Variants in IL1RAPL2 observed in about 807,000 individuals in gnomAD.
IL1RAPL2 encodes the protein interleukin 1 receptor accessory protein like 2.
Under a neutral mutation model 44.1 loss-of-function variants are expected in IL1RAPL2, and 3 were observed. The observed-to-expected ratio is 0.07, with a 90% CI of 0.03 to 0.18. The LOEUF is 0.18. Among genes scored for constraint, IL1RAPL2 ranks in the 10% least tolerant of loss-of-function variants. The pLI, the probability that IL1RAPL2 is intolerant of heterozygous loss-of-function variation, is 1.00. For missense variants in IL1RAPL2, 391 were observed against 496.4 expected, an observed-to-expected ratio of 0.79 and a Z score of 2.02; for synonymous variants, 181 against 178.8, an observed-to-expected ratio of 1.01 and a Z score of -0.10.
chrX:104,901,575 G>A (rs771901416), intron 2 of IL1RAPL2, among the ~76,000 whole-genome samples: 3 of 110,333 alleles, frequency 2.7e-5, no homozygotes, highest in Admixed American at 9.7e-5. Flanking sequence ...ATTTGATTTG[G>A]CAGGGCTCTA....
chrX:105,532,943 G>C (rs2036648772), intron 6 of IL1RAPL2, among the ~76,000 whole-genome samples: 1 of 110,956 alleles, frequency 9.0e-6, no homozygotes, highest in Admixed American at 9.6e-5. Context: ...TGTAATCCCA[G>C]CACTTTGGGA....
chrX:105,088,659 T>A (rs964212599), intron 2 of IL1RAPL2, among the ~76,000 whole-genome samples: 1 of 111,616 alleles, frequency 9.0e-6, no homozygotes, highest in Admixed American at 9.6e-5. Context: ...CTACACATGA[T>A]GTTGGGATTA....
chrX:105,221,291 A>T (rs974423865), intron 3 of IL1RAPL2, among the ~76,000 whole-genome samples: 1 of 110,415 alleles, frequency 9.1e-6, no homozygotes, highest in East Asian at 2.8e-4. Context: ...CTAGATTCAC[A>T]TTTCATACAT....
intron 5 of IL1RAPL2, among the ~76,000 whole-genome samples, chrX:105,408,120 T>A (rs780506507): frequency 4.6e-4 from 52 of 112,282 alleles, no homozygotes; most frequent in Non-Finnish European, 9.0e-4. Flanking sequence ...GAATGAGGAA[T>A]TTTAAACACA....
intron 2 of IL1RAPL2, among the ~76,000 whole-genome samples, chrX:104,867,094 G>A (rs948065022): frequency 1.8e-5 from 2 of 108,548 alleles, no homozygotes; most frequent in Non-Finnish European, 3.8e-5. Flanking sequence ...AAAATTAGCC[G>A]GGCACAGTGG....
intron 2 of IL1RAPL2, among the ~76,000 whole-genome samples, chrX:105,128,501 G>C (rs2032997000): frequency 9.0e-6 from 1 of 110,798 alleles, no homozygotes; most frequent in African/African-American, 3.3e-5. Context: ...TCACTTAATG[G>C]TACATTTTGG....
At chrX:104,975,069 T>A (rs2030307679) in intron 2 of IL1RAPL2, among the ~76,000 whole-genome samples, 1 of 111,919 alleles carries the variant, frequency 8.9e-6, no homozygotes, top group Non-Finnish European at 1.9e-5. Context: ...TTTTCATCTC[T>A]TTTGCCCTGT....
At chrX:105,443,869 C>G (rs750025393) in intron 5 of IL1RAPL2, among the ~76,000 whole-genome samples, 9 of 111,737 alleles carry the variant, frequency 8.1e-5, no homozygotes, top group African/African-American at 2.6e-4. Context: ...GCAGTGGGAT[C>G]GCTGGATCAT....
chrX:105,577,573 T>A (rs1051330144), intron 6 of IL1RAPL2, among the ~76,000 whole-genome samples: 2 of 110,964 alleles, frequency 1.8e-5, no homozygotes, highest in African/African-American at 6.5e-5. Flanking sequence ...GTTTCTTTTT[T>A]AAATATTAGA....
intron 2 of IL1RAPL2, among the ~76,000 whole-genome samples, chrX:104,836,557 AAAATT>A (rs1921746760): frequency 9.1e-6 from 1 of 110,101 alleles, no homozygotes; most frequent in Non-Finnish European, 1.9e-5. Context: ...TGTACCCACA[AAAATT>A]AAAAATTAAA....
intron 4 of IL1RAPL2, among the ~76,000 whole-genome samples, chrX:105,243,767 A>C (rs983327172): frequency 9.1e-6 from 1 of 109,858 alleles, no homozygotes; most frequent in Non-Finnish European, 1.9e-5. Flanking sequence ...CCAACAAAGC[A>C]TGCATTGTAT....
rs368304777 is a variant in IL1RAPL2, at chrX:105,143,452, C to T, written c.83-52023C>T. Among the ~76,000 whole-genome samples the T allele has an allele frequency of 3.6e-5, 4 of 111,761 alleles. No homozygotes were observed. The East Asian group carries it at 1.1e-3, about 32-fold the overall frequency. On this transcript the variant is annotated intron_variant, in intron 2 of 10. Coordinates refer to ENST00000372582, the MANE Select transcript of IL1RAPL2 (RefSeq NM_017416.2). Reference sequence around the variant, plus strand: ...TTAAAAAGTCAGGAAACAACAGGTGCTGGAGAGGATGTGGAGAAATAGGAA... The same window carrying T: ...TTAAAAAGTCAGGAAACAACAGGTGTTGGAGAGGATGTGGAGAAATAGGAA...
At chrX:104,632,378 G>C (rs1260345993) in intron 1 of IL1RAPL2, among the ~76,000 whole-genome samples, 1 of 111,778 alleles carries the variant, frequency 8.9e-6, no homozygotes, top group Non-Finnish European at 1.9e-5. Context: ...ATTCTGCGAA[G>C]AAAGTCATTG....
At chrX:104,685,265 C>T (rs886414482) in intron 2 of IL1RAPL2, among the ~76,000 whole-genome samples, 2 of 112,150 alleles carry the variant, frequency 1.8e-5, no homozygotes, top group Non-Finnish European at 3.8e-5. Flanking sequence ...ACTTCCATGA[C>T]TAATTGAGCA....
Position 104,985,520 on chromosome X carries a change from T to A in IL1RAPL2, c.83-209955T>A, listed in dbSNP as rs192869277. Reference sequence around the variant, plus strand: ...ACCCCATTAATGCTGCATAGCTAAATTGAGTAAGTACACATCTGGTTATAG... The same window carrying A: ...ACCCCATTAATGCTGCATAGCTAAAATGAGTAAGTACACATCTGGTTATAG... On this transcript the variant is annotated intron_variant, in intron 2 of 10. Transcript: ENST00000372582. Among the ~76,000 whole-genome samples, 5 of 112,292 alleles carry A rather than the reference T, an allele frequency of 4.5e-5. No homozygotes were observed. The Admixed American group carries it at 4.7e-4, about 11-fold the overall frequency.
At chrX:104,864,661 T>C (rs1328967974) in intron 2 of IL1RAPL2, among the ~76,000 whole-genome samples, 2 of 111,814 alleles carry the variant, frequency 1.8e-5, no homozygotes, top group African/African-American at 6.5e-5. Context: ...CCAATCTGGG[T>C]GGGCACCATC....
intron 2 of IL1RAPL2, among the ~76,000 whole-genome samples, chrX:104,952,473 A>G (rs1925609577): frequency 1.8e-5 from 2 of 112,252 alleles, no homozygotes; most frequent in Admixed American, 1.9e-4. Flanking sequence ...CAAGAACACA[A>G]CATGATTTAT....
At chrX:104,976,871 G>A (rs1266047479) in intron 2 of IL1RAPL2, among the ~76,000 whole-genome samples, 2 of 91,946 alleles carry the variant, frequency 2.2e-5, no homozygotes, top group African/African-American at 8.2e-5. Context: ...CAACTGCCCT[G>A]ACTTAAACAA....
chrX:104,886,300 C>T (rs1386484231), intron 2 of IL1RAPL2, among the ~76,000 whole-genome samples: 2 of 111,631 alleles, frequency 1.8e-5, no homozygotes, highest in African/African-American at 6.5e-5. Flanking sequence ...ATTTGTTGTC[C>T]CCTACTTGAG....
Sources: allele counts gnomAD v4.1 joint callset (sites outside exome capture counted in the v4.1 genomes callset), GRCh38; gene constraint gnomAD v4.1.1; transcripts MANE v1.5; gene names NCBI Gene and HGNC (gene_info 2026-07-23, HGNC 2026-07-21).